CLCN3: variants seen among roughly 807,000 people sequenced by gnomAD.
CLCN3 encodes Cl-/H+ antiporter 3, also known as H(+)/Cl(-) exchange transporter 3.
Under a neutral mutation model 83.4 loss-of-function variants are expected in CLCN3, and 16 were observed. The observed-to-expected ratio is 0.19, with a 90% CI of 0.13 to 0.29. The LOEUF is 0.29. CLCN3 is among the 10% of genes least tolerant of loss of function. The probability of loss-of-function intolerance (pLI) is 1.00; values close to 1 mark genes in which losing one functional copy is unlikely to be tolerated. For synonymous variants in CLCN3, 322 were observed against 346.2 expected, an observed-to-expected ratio of 0.93 and a Z score of 0.78; for missense variants, 544 against 1,006.0, an observed-to-expected ratio of 0.54 and a Z score of 6.21.
intron 2 of CLCN3, among the ~76,000 whole-genome samples, chr4:169,653,346 A>C (rs892332130): frequency 6.6e-6 from 1 of 152,114 alleles, no homozygotes; most frequent in Admixed American, 6.6e-5. Context: ...CAATTTATAA[A>C]GAAAAGAGGT....
rs2150286016 is a variant in CLCN3 at position 169,723,668 on chromosome 4, C to G, written c.*3671C>G. 1 of 152,282 alleles carries G rather than the reference C, an allele frequency of 6.6e-6. No homozygotes were observed. Among genetic ancestry groups the G allele is most frequent in the Middle Eastern group, 3.4e-3 (1 of 294 alleles). 9.4% of individuals were successfully genotyped at this position (152,282 alleles called of 1,614,324 possible). On this transcript the variant is annotated 3_prime_UTR_variant, in exon 13 of 13. Coordinates refer to ENST00000513761, the MANE Select transcript of CLCN3 (RefSeq NM_001829.4). ...TAAGCTTTTAGTAAAAAGGAACACA[C>G]TAAAAGTTCAGAGTAGATCATTTAT... is the stretch of plus-strand genomic sequence containing the variant.
intron 5 of CLCN3, 107 bp downstream of exon 5, chr4:169,689,337 A>T: frequency 3.4e-6 from 3 of 892,798 alleles, no homozygotes; most frequent in South Asian, 1.9e-5. Context: ...CATACACATC[A>T]AATGGATCCA....
chr4:169,691,951 T>C (rs1412623121), intron 6 of CLCN3, among the ~76,000 whole-genome samples, 163 bp from the exon 7 acceptor site: 1 of 152,204 alleles, frequency 6.6e-6, no homozygotes, highest in Non-Finnish European at 1.5e-5. Flanking sequence ...TTATTATATG[T>C]AGCATAATAG....
intron 2 of CLCN3, among the ~76,000 whole-genome samples, chr4:169,651,933 G>T (rs1333235796): frequency 6.6e-6 from 1 of 152,078 alleles, no homozygotes; most frequent in Non-Finnish European, 1.5e-5. Context: ...GATTGAGACT[G>T]TAAATAAGAT....
chr4:169,659,893 A>C (rs1260878092), intron 2 of CLCN3, among the ~76,000 whole-genome samples: 1 of 152,184 alleles, frequency 6.6e-6, no homozygotes, highest in African/African-American at 2.4e-5. Context: ...TACATTAGAA[A>C]TGAAAAAGGG....
chr4:169,644,703 G>A (rs950467376), intron 2 of CLCN3, among the ~76,000 whole-genome samples: 1 of 152,046 alleles, frequency 6.6e-6, no homozygotes, highest in Non-Finnish European at 1.5e-5. Context: ...CCCCACACCC[G>A]AATTCCCAAA....
intron 12 of CLCN3, among the ~76,000 whole-genome samples, chr4:169,715,865 A>G (rs1377102265): frequency 1.3e-5 from 2 of 152,156 alleles, no homozygotes; most frequent in African/African-American, 4.8e-5. Flanking sequence ...GTATTGGATT[A>G]AATACAATTG....
intron 8 of CLCN3, among the ~76,000 whole-genome samples, 170 bp downstream of exon 8, chr4:169,695,862 T>C (rs537050594): frequency 1.1e-4 from 17 of 152,334 alleles, no homozygotes; most frequent in Non-Finnish European, 2.2e-4. Context: ...TTATTCATGC[T>C]CCATACCTGG....
rs557887565 is a variant in CLCN3 at position 169,660,505 on chromosome 4, C to A, written c.161-19545C>A. The stretch of plus-strand genomic sequence containing the variant: ...TTGGTATGTTTTGCATGCGGCTGGG[C>A]GGTCCTCTAGCTTAAACTGGTTCTC... On this transcript the variant is annotated intron_variant, in intron 2 of 12. Coordinates refer to ENST00000513761, the MANE Select transcript of CLCN3 (RefSeq NM_001829.4). The A allele has an allele frequency of 8.6e-5, 104 of 1,211,354 alleles. No homozygotes were observed. The Middle Eastern group carries it at 1.2e-3, about 14-fold the overall frequency. The allele number at this position is 1,211,354 out of a possible 1,614,324, so 75.0% of individuals were successfully genotyped here. A position where few individuals can be genotyped will look rare whatever the true frequency, so the allele number is the denominator to read the frequency against.
chr4:169,685,925 G>A (rs56124556), intron 3 of CLCN3, among the ~76,000 whole-genome samples: 15,178 of 152,176 alleles, frequency 0.1, 944 homozygotes, highest in East Asian at 0.17. Context: ...GGGTAAAATT[G>A]CCTCATTCAA....
At chr4:169,658,701 A>G (rs1730957824) in intron 2 of CLCN3, among the ~76,000 whole-genome samples, 1 of 152,032 alleles carries the variant, frequency 6.6e-6, no homozygotes, top group South Asian at 2.1e-4. Flanking sequence ...ATTGCCAAGA[A>G]TATTTGAAAA....
chr4:169,639,945 T>C (rs1015351144), intron 2 of CLCN3, among the ~76,000 whole-genome samples: 3 of 152,200 alleles, frequency 2.0e-5, no homozygotes, highest in Non-Finnish European at 2.9e-5. Flanking sequence ...ACTTATTCTC[T>C]CTCTAACTTT....
chr4:169,670,399 C>T (rs1731411400), intron 2 of CLCN3, among the ~76,000 whole-genome samples: 1 of 152,208 alleles, frequency 6.6e-6, no homozygotes, highest in Middle Eastern at 3.4e-3. Context: ...TTGTTTTTGT[C>T]AAGTTTGCTG....
At chr4:169,711,089 G>A (rs1455874443) in intron 11 of CLCN3, among the ~76,000 whole-genome samples, 1 of 152,138 alleles carries the variant, frequency 6.6e-6, no homozygotes, top group South Asian at 2.1e-4. Context: ...TTATGAATTT[G>A]ACTATATATT....
intron 2 of CLCN3, among the ~76,000 whole-genome samples, chr4:169,647,095 T>C (rs1730594564): frequency 1.3e-5 from 2 of 152,130 alleles, no homozygotes; most frequent in South Asian, 4.1e-4. Context: ...ATAAAAATCT[T>C]ATATGGTTGG....
At chr4:169,636,710 T>C (rs988983194) in intron 2 of CLCN3, among the ~76,000 whole-genome samples, 1 of 149,668 alleles carries the variant, frequency 6.7e-6, no homozygotes, top group Non-Finnish European at 1.5e-5. Context: ...TATTTAGTTA[T>C]TCTACACTGA....
At chr4:169,660,480 TTGG>T in intron 2 of CLCN3, 1 of 1,291,328 alleles carries the variant, frequency 7.7e-7, no homozygotes, top group Non-Finnish European at 9.8e-7. Context: ...GAATTCTCTG[TTGG>T]TATGTTTTGC....
chr4:169,635,669 T>G (rs1256681151), intron 1 of CLCN3, among the ~76,000 whole-genome samples: 1 of 152,116 alleles, frequency 6.6e-6, no homozygotes, highest in Non-Finnish European at 1.5e-5. Flanking sequence ...TAAATATACG[T>G]TACATTTTTC....
intron 2 of CLCN3, among the ~76,000 whole-genome samples, chr4:169,672,647 T>C (rs1731518939): frequency 6.6e-6 from 1 of 152,206 alleles, no homozygotes; most frequent in South Asian, 2.1e-4. Flanking sequence ...ATATAAGTTA[T>C]ATATATTTTG....
Sources: allele counts gnomAD v4.1 joint callset (sites outside exome capture counted in the v4.1 genomes callset), GRCh38; gene constraint gnomAD v4.1.1; transcripts MANE v1.5; gene names NCBI Gene and HGNC (gene_info 2026-07-23, HGNC 2026-07-21).